Variants in IL1RAPL1 observed in about 807,000 individuals in gnomAD.
IL1RAPL1 encodes the protein interleukin 1 receptor accessory protein like 1, also known as interleukin-1 receptor accessory protein-like 1.
IL1RAPL1 carries 3 observed loss-of-function variants against 48.4 expected under a neutral mutation model. The observed-to-expected ratio is 0.06, with a 90% confidence interval of 0.03 to 0.16. The LOEUF is 0.16. Ranked by LOEUF, IL1RAPL1 falls within the 10% of genes least tolerant of loss-of-function variation. The pLI, the probability that IL1RAPL1 is intolerant of heterozygous loss-of-function variation, is 1.00. For missense variants in IL1RAPL1, 349 were observed against 530.6 expected (o/e 0.66, Z 3.36); for synonymous variants, 185 against 187.7 (o/e 0.99, Z 0.12).
chrX:28,724,626 G>C (rs1239324492), intron 1 of IL1RAPL1, among the ~76,000 whole-genome samples: 1 of 111,006 alleles, frequency 9.0e-6, no homozygotes, highest in East Asian at 2.9e-4. Context: ...GTGTGAATTT[G>C]GTCCTGTCAT....
intron 2 of IL1RAPL1, among the ~76,000 whole-genome samples, chrX:29,040,722 G>T (rs1926828710): frequency 8.9e-6 from 1 of 112,336 alleles, no homozygotes; most frequent in Non-Finnish European, 1.9e-5. Context: ...GCTTTATGGT[G>T]TAGGTTTTTT....
chrX:29,748,526 G>C (rs1928387545), intron 6 of IL1RAPL1, among the ~76,000 whole-genome samples: 1 of 112,738 alleles, frequency 8.9e-6, no homozygotes, highest in Non-Finnish European at 1.9e-5. Flanking sequence ...TGTACTAACA[G>C]AGTGAGAGGG....
intron 2 of IL1RAPL1, among the ~76,000 whole-genome samples, chrX:29,150,175 C>T (rs1453466093): frequency 8.9e-6 from 1 of 111,897 alleles, no homozygotes; most frequent in Non-Finnish European, 1.9e-5. Flanking sequence ...TCCTCTATGC[C>T]AGGCTTCGTG....
intron 6 of IL1RAPL1, among the ~76,000 whole-genome samples, chrX:29,748,704 G>T (rs1215882503): frequency 9.5e-6 from 1 of 105,257 alleles, no homozygotes; most frequent in African/African-American, 3.5e-5. Flanking sequence ...AGTCATCTAA[G>T]AAAAGTCTGG....
At chrX:29,545,184 T>C (rs1344668625) in intron 5 of IL1RAPL1, among the ~76,000 whole-genome samples, 1 of 19,281 alleles carries the variant, frequency 5.2e-5, no homozygotes, top group African/African-American at 3.4e-4. Context: ...TAATCCTATC[T>C]ATCTATCTAT....
chrX:28,957,456 A>G (rs945872344), intron 2 of IL1RAPL1, among the ~76,000 whole-genome samples: 2 of 111,852 alleles, frequency 1.8e-5, no homozygotes, highest in East Asian at 2.8e-4. Flanking sequence ...ATTAACTTCT[A>G]TAATTTTATT....
At chrX:29,293,616 A>G (rs996233802) in intron 3 of IL1RAPL1, among the ~76,000 whole-genome samples, 1 of 111,483 alleles carries the variant, frequency 9.0e-6, no homozygotes, top group African/African-American at 3.3e-5. Context: ...GCCCTTTTCA[A>G]CCATGGATAT....
At chrX:28,876,282 G>C (rs1922369751) in intron 2 of IL1RAPL1, among the ~76,000 whole-genome samples, 1 of 111,779 alleles carries the variant, frequency 8.9e-6, no homozygotes. Flanking sequence ...GGGAGTGCTA[G>C]AAAATCTTGC....
intron 2 of IL1RAPL1, among the ~76,000 whole-genome samples, chrX:29,074,039 AG>A (rs1927620270): frequency 9.0e-6 from 1 of 111,582 alleles, no homozygotes; most frequent in Non-Finnish European, 1.9e-5. Context: ...GTGATGTTTG[AG>A]GGGGCAATTT....
chrX:29,076,802 G>GTCTGTCTATCGATCTATCTA (rs568595100), intron 2 of IL1RAPL1, among the ~76,000 whole-genome samples: 5 of 97,246 alleles, frequency 5.1e-5, no homozygotes, highest in Admixed American at 2.3e-4. Context: ...CTGTCTGTCT[G>GTCTGTCTATCGATCTATCTA]TCTATCTATC....
intron 2 of IL1RAPL1, among the ~76,000 whole-genome samples, chrX:29,032,743 GCACACACA>G (rs34159057): frequency 2.8e-5 from 3 of 105,647 alleles, no homozygotes; most frequent in African/African-American, 6.9e-5. Flanking sequence ...ACGTGGGCAT[GCACACACA>G]CACACACACA....
chrX:28,778,699 A>G (rs1027714637), intron 1 of IL1RAPL1, among the ~76,000 whole-genome samples: 1 of 111,990 alleles, frequency 8.9e-6, no homozygotes, highest in African/African-American at 3.2e-5. Context: ...TCACCAAATA[A>G]GTGTGAGCTC....
At chrX:29,660,140 G>A (rs1006456246) in intron 5 of IL1RAPL1, among the ~76,000 whole-genome samples, 5 of 111,247 alleles carry the variant, frequency 4.5e-5, no homozygotes, top group South Asian at 3.8e-4. Context: ...AGGGAAGTCC[G>A]CCCCCATGAT....
chrX:29,951,839 A>G lies in IL1RAPL1; in HGVS notation c.1202-2683A>G, dbSNP rs939462352. 4.1e-4 allele frequency among the ~76,000 whole-genome samples: 46 copies of G among 111,593 alleles called. 2 individuals carry two copies. Among genetic ancestry groups the G allele is most frequent in the Middle Eastern group, 4.6e-3 (1 of 217 alleles). On this transcript the variant is annotated intron_variant, in intron 9 of 10. Coordinates refer to ENST00000378993, the MANE Select transcript of IL1RAPL1 (RefSeq NM_014271.4). ...TTACAGGTAGGAGTGGGGGACTGTC[A>G]TAATTCAGGAGAAATAGAACAGGAT...
chrX:28,682,521 G>A (rs1251551551), intron 1 of IL1RAPL1, among the ~76,000 whole-genome samples: 1 of 110,451 alleles, frequency 9.1e-6, no homozygotes. Context: ...ATGTTGACCA[G>A]GCTGGTCCTC....
At chrX:29,914,878 A>G (rs1932785469) in intron 6 of IL1RAPL1, among the ~76,000 whole-genome samples, 2 of 112,762 alleles carry the variant, frequency 1.8e-5, no homozygotes, top group South Asian at 7.3e-4. Context: ...AGGGAATTTT[A>G]TACTAAAATA....
intron 2 of IL1RAPL1, among the ~76,000 whole-genome samples, chrX:28,887,694 A>C (rs781249355): frequency 8.9e-6 from 1 of 112,058 alleles, no homozygotes; most frequent in South Asian, 3.7e-4. Flanking sequence ...GTGTGATAAA[A>C]TATGTGTTCT....
At chrX:29,405,629 G>A (rs1380188985) in intron 5 of IL1RAPL1, among the ~76,000 whole-genome samples, 2 of 107,536 alleles carry the variant, frequency 1.9e-5, no homozygotes, top group Non-Finnish European at 3.8e-5. Context: ...GCCTCCCAAA[G>A]TGCTGGAATT....
intron 5 of IL1RAPL1, among the ~76,000 whole-genome samples, chrX:29,529,816 A>G (rs1244769474): frequency 9.0e-6 from 1 of 111,378 alleles, no homozygotes; most frequent in Non-Finnish European, 1.9e-5. Flanking sequence ...TGTGTGTGAA[A>G]GAGAGAGAAA....
Sources: gnomAD v4.1 joint callset for allele counts (sites outside exome capture counted in the v4.1 genomes callset) on GRCh38, gnomAD v4.1.1 for gene constraint, MANE v1.5 for transcripts, NCBI Gene and HGNC (gene_info 2026-07-23, HGNC 2026-07-21) for gene names.